The following NUP210 variants were observed in gnomAD, a reference collection of about 807,000 sequenced individuals.
NUP210 encodes nucleoporin 210, also known as nuclear pore membrane glycoprotein 210.
A neutral mutation model predicts 196.0 loss-of-function variants in NUP210; 151 were observed. The observed-to-expected ratio is 0.77, with a 90% CI of 0.67 to 0.88. NUP210 has a LOEUF of 0.88. Ranked by LOEUF, NUP210 falls within the 40% of genes least tolerant of loss-of-function variation. The probability of loss-of-function intolerance (pLI) is 0.00; values close to 1 mark genes in which losing one functional copy is unlikely to be tolerated. For missense variants in NUP210, 2,314 were observed against 2,493.7 expected, an observed-to-expected ratio of 0.93 and a Z score of 1.53; for synonymous variants, 1,070 against 1,052.7, an observed-to-expected ratio of 1.02 and a Z score of -0.32.
At chr3:13,380,298 T>C (rs1488047428) in intron 6 of NUP210, among the ~76,000 whole-genome samples, 1 of 152,140 alleles carries the variant, frequency 6.6e-6, no homozygotes, top group East Asian at 1.9e-4. Context: ...GCAACATCGA[T>C]GTACATCTTC....
At chr3:13,372,639 G>C (rs975688844) in intron 12 of NUP210, among the ~76,000 whole-genome samples, 2 of 152,182 alleles carry the variant, frequency 1.3e-5, no homozygotes, top group Non-Finnish European at 2.9e-5. Context: ...GCTGGAGCCA[G>C]GAGAGAGGTA....
intron 14 of NUP210, among the ~76,000 whole-genome samples, chr3:13,362,511 T>G (rs967412579): frequency 1.3e-5 from 2 of 152,242 alleles, no homozygotes; most frequent in African/African-American, 2.4e-5. Flanking sequence ...TTCTGTTGTT[T>G]ATAAGCTACC....
In NUP210 at chr3:13,373,789, C is replaced by T; in HGVS notation, c.1516G>A (p.Gly506Ser). The change falls in exon 12 of 40, where the codon GGC becomes AGC. Residue 506 changes from glycine (G) to serine (S), a missense_variant. Physicochemically the swap from Gly to Ser is moderately conservative, Grantham distance 56. Coordinates refer to ENST00000254508, the MANE Select transcript of NUP210 (RefSeq NM_024923.4). ...TVTVKGVMTT[G>S]SDIGFSVIQA... ...ATCACACTGAACCCGATGTCACTGC[C>T]TGTGGTCATCACGCCCTTGACAGTA... The T allele has an allele frequency of 6.2e-7, 1 of 1,614,188 alleles. No individual in the cohort carries two copies. The highest frequency in any genetic ancestry group is 8.5e-7 in the Non-Finnish European group (1 of 1,180,024).
intron 14 of NUP210, among the ~76,000 whole-genome samples, chr3:13,362,050 GCTC>G (rs1223641716): frequency 6.6e-6 from 1 of 152,192 alleles, no homozygotes; most frequent in South Asian, 2.1e-4. Flanking sequence ...TTCACCTGGT[GCTC>G]CTCACCCTGA....
At chr3:13,373,008 G>T (rs1006266614) in intron 12 of NUP210, among the ~76,000 whole-genome samples, 1 of 152,202 alleles carries the variant, frequency 6.6e-6, no homozygotes, top group South Asian at 2.1e-4. Flanking sequence ...CCTCACTTTA[G>T]ATAGAGGTGG....
chr3:13,321,044 C>T (rs562465645), intron 36 of NUP210, among the ~76,000 whole-genome samples: 15 of 152,398 alleles, frequency 9.8e-5, no homozygotes, highest in African/African-American at 3.6e-4. Flanking sequence ...AACATGCGAT[C>T]ACGCTGGCTG....
intron 3 of NUP210, among the ~76,000 whole-genome samples, chr3:13,396,315 A>G (rs1232836768): frequency 2.0e-5 from 3 of 152,152 alleles, no homozygotes; most frequent in Non-Finnish European, 4.4e-5. Flanking sequence ...ATTTTTTTTC[A>G]AAAACAGGAG....
chr3:13,323,265 G>T lies in NUP210; in HGVS notation c.4768+44C>A, dbSNP rs201178464. The stretch of plus-strand genomic sequence containing the variant: ...AGAGGACACAGGAAGCCACCTCCCC[G>T]CTCCCAGGTACTCTGAAGACAGCCC... On this transcript the variant is annotated intron_variant, in intron 34 of 39. Transcript: ENST00000254508. This position sits in a 1 kb window ranked among gnomAD's most constrained non-coding sequence, Gnocchi z 4.3. The T allele has an allele frequency of 3.7e-6, 6 of 1,609,958 alleles. No homozygotes were observed. In the Admixed American group the frequency reaches 8.4e-5, roughly 23 times the overall value.
Position 13,317,584 on chromosome 3 carries a change from G to C in NUP210, c.*97C>G. ...TGGCCTGGGGCCGGGGCACTCATCT[G>C]GAGGGGCTTGTTCCAGTGTGAATGC... On this transcript the variant is annotated 3_prime_UTR_variant, in exon 40 of 40. Transcript: ENST00000254508. 1 of 922,370 alleles carries C rather than the reference G, an allele frequency of 1.1e-6. No homozygotes were observed. Among genetic ancestry groups the C allele is most frequent in the South Asian group, 1.4e-5 (1 of 71,120 alleles). 57.1% of individuals were successfully genotyped at this position (922,370 alleles called of 1,614,324 possible). A position where few individuals can be genotyped will look rare whatever the true frequency, so the allele number is the denominator to read the frequency against.
chr3:13,366,516 CTTTT>C (rs58529748), intron 13 of NUP210, among the ~76,000 whole-genome samples: 3 of 110,842 alleles, frequency 2.7e-5, no homozygotes, highest in Non-Finnish European at 3.7e-5. Context: ...TGATTTCTTT[CTTTT>C]TTTTTTTTTT....
At chr3:13,397,801 G>A (rs1245607450) in intron 2 of NUP210, among the ~76,000 whole-genome samples, 1 of 152,206 alleles carries the variant, frequency 6.6e-6, no homozygotes, top group Non-Finnish European at 1.5e-5. Context: ...AAGTGACAAG[G>A]GTTATAGTAT....
In NUP210 at chr3:13,401,259, C is replaced by CAAAAAAAAAAAAAAAAAA. The variant is rs71066952; in HGVS notation, c.168-1416_168-1399dup. Among the ~76,000 whole-genome samples the CAAAAAAAAAAAAAAAAAA allele has an allele frequency of 6.5e-3, 284 of 43,788 alleles. 55 individuals are homozygous for CAAAAAAAAAAAAAAAAAA. Among genetic ancestry groups the CAAAAAAAAAAAAAAAAAA allele is most frequent in the Non-Finnish European group, 8.3e-3 (205 of 24,756 alleles). The allele number at this position is 43,788 out of a possible 152,430, so 28.7% of individuals were successfully genotyped here. A position where few individuals can be genotyped will look rare whatever the true frequency, so the allele number is the denominator to read the frequency against. On this transcript the variant is annotated intron_variant, in intron 1 of 39. Coordinates refer to ENST00000254508, the MANE Select transcript of NUP210 (RefSeq NM_024923.4). ...TGGGCAACAGAGTGAGACTCTGGCTCAAAAAAAAAAAAAAAAAAAAAGGCA... is the reference window on the plus strand; with the variant it reads ...TGGGCAACAGAGTGAGACTCTGGCTCAAAAAAAAAAAAAAAAAAAAAAAAAAAAAAAAAAAAAAAGGCA...
chr3:13,334,078 T>C (rs1171030421), intron 28 of NUP210, among the ~76,000 whole-genome samples: 5 of 152,220 alleles, frequency 3.3e-5, no homozygotes, highest in Non-Finnish European at 5.9e-5. Flanking sequence ...CTTAGATTTT[T>C]ACCTGGAATC....
chr3:13,401,997 C>T (rs1699854280), intron 1 of NUP210, among the ~76,000 whole-genome samples: 1 of 151,920 alleles, frequency 6.6e-6, no homozygotes, highest in African/African-American at 2.4e-5. Context: ...AAGTTCAAGA[C>T]CAGGCTGGGC....
chr3:13,353,873 T>G, intron 17 of NUP210, 42 bp downstream of exon 17: 1 of 1,565,248 alleles, frequency 6.4e-7, no homozygotes, highest in Non-Finnish European at 8.7e-7. Context: ...CTGTCTGGTC[T>G]CTGTTCTCCT....
chr3:13,343,342 G>GGGGGGGGGGGGC, intron 20 of NUP210, 39 bp from the exon 21 acceptor site: 23 of 655,948 alleles, frequency 3.5e-5, no homozygotes, highest in Middle Eastern at 6.1e-4. Context: ...TGGGTGGTGG[G>GGGGGGGGGGGGC]TTACGCAGCT....
At chr3:13,321,124 A>T (rs1159731337) in intron 36 of NUP210, among the ~76,000 whole-genome samples, 2 of 152,252 alleles carry the variant, frequency 1.3e-5, no homozygotes, top group African/African-American at 4.8e-5. Context: ...AACTCTTCCC[A>T]GCCTGCCAGG....
chr3:13,330,913 GGAGA>G (rs1288595322), intron 29 of NUP210, among the ~76,000 whole-genome samples: 1 of 152,188 alleles, frequency 6.6e-6, no homozygotes, highest in African/African-American at 2.4e-5. Flanking sequence ...CAGCAGGGAG[GGAGA>G]GACTATGAGG....
intron 3 of NUP210, among the ~76,000 whole-genome samples, chr3:13,395,227 G>T (rs1340523266): frequency 4.6e-5 from 7 of 152,190 alleles, no homozygotes; most frequent in Non-Finnish European, 7.3e-5. Context: ...CCTACCTGGG[G>T]AGAATGGATA....
Sources: gnomAD v4.1 joint callset for allele counts (sites outside exome capture counted in the v4.1 genomes callset) on GRCh38, gnomAD v4.1.1 for gene constraint, Gnocchi (gnomAD v3.1) non-coding constraint, MANE v1.5 for transcripts, NCBI Gene and HGNC (gene_info 2026-07-23, HGNC 2026-07-21) for gene names.